FGF13: variants seen among roughly 807,000 people sequenced by gnomAD.
FGF13 encodes fibroblast growth factor homologous factor 2.
A neutral mutation model predicts 19.5 loss-of-function variants in FGF13; 2 were observed. The observed-to-expected ratio is 0.10, with a 90% CI of 0.04 to 0.32. FGF13 has a LOEUF of 0.32. FGF13 is among the 10% of genes least tolerant of loss of function. The pLI, the probability that FGF13 is intolerant of heterozygous loss-of-function variation, is 1.00. For synonymous variants in FGF13, 72 were observed against 76.9 expected, an observed-to-expected ratio of 0.94 and a Z score of 0.33; for missense variants, 113 against 192.7, an observed-to-expected ratio of 0.59 and a Z score of 2.45.
intron 1 of FGF13, among the ~76,000 whole-genome samples, chrX:139,054,894 G>A (rs191411583): frequency 0.018 from 1,502 of 85,760 alleles, 50 homozygotes; most frequent in African/African-American, 0.068. Context: ...GTTGTGTTGT[G>A]TTGTGTTGTA....
intron 1 of FGF13, among the ~76,000 whole-genome samples, chrX:138,871,719 G>C (rs907108909): frequency 9.0e-6 from 1 of 111,448 alleles, no homozygotes; most frequent in Non-Finnish European, 1.9e-5. Flanking sequence ...GTTTCCAGTA[G>C]AAGTATCAAA....
intron 1 of FGF13, among the ~76,000 whole-genome samples, chrX:138,911,853 C>T (rs1386612813): frequency 9.0e-6 from 1 of 111,666 alleles, no homozygotes; most frequent in East Asian, 2.8e-4. Flanking sequence ...CAGAATAACA[C>T]CCTGTCTCAG....
intron 1 of FGF13, among the ~76,000 whole-genome samples, chrX:138,918,912 G>A (rs759281306): frequency 2.2e-4 from 25 of 111,837 alleles, no homozygotes; most frequent in Non-Finnish European, 1.1e-4. Context: ...CAGAGTATCT[G>A]TCTGTAGAAT....
rs193197347 is a variant in FGF13 at position 138,621,818 on chromosome X, T to C, written c.*11032A>G. The C allele has an allele frequency of 1.2e-4, 13 of 111,143 alleles. No individual in the cohort carries two copies. 9.2% of individuals were successfully genotyped at this position (111,143 alleles called of 1,213,427 possible). On this transcript the variant is annotated 3_prime_UTR_variant, in exon 5 of 5. Coordinates refer to ENST00000315930, the MANE Select transcript of FGF13 (RefSeq NM_004114.5). ...GATCATTAGAGACTATTATGAACAA[T>C]TATACACAAGTTGGGTAATCTAGAA...
intron 1 of FGF13, among the ~76,000 whole-genome samples, chrX:139,110,385 C>T (rs937865540): frequency 8.2e-5 from 9 of 110,169 alleles, no homozygotes; most frequent in African/African-American, 2.6e-4. Context: ...CCGAGGGACC[C>T]GGTGGAAGAT....
intron 1 of FGF13, among the ~76,000 whole-genome samples, chrX:138,959,407 C>A (rs778572836): frequency 8.9e-6 from 1 of 111,823 alleles, no homozygotes; most frequent in African/African-American, 3.2e-5. Flanking sequence ...TATTTGTGTT[C>A]TTTTACATTT....
At chrX:138,723,655 G>GA (rs1378520629) in intron 1 of FGF13, among the ~76,000 whole-genome samples, 2 of 110,850 alleles carry the variant, frequency 1.8e-5, no homozygotes, top group East Asian at 5.7e-4. Context: ...GTCTCGAGGG[G>GA]AAAAAAAGGT....
At chrX:138,757,079 T>C (rs2090436065) in intron 3 of FGF13, among the ~76,000 whole-genome samples, 1 of 111,002 alleles carries the variant, frequency 9.0e-6, no homozygotes, top group Non-Finnish European at 1.9e-5. Context: ...AGGCAGGGGA[T>C]GGGTGCGATG....
intron 1 of FGF13, among the ~76,000 whole-genome samples, chrX:139,156,899 G>A (rs765088464): frequency 1.8e-5 from 2 of 111,681 alleles, no homozygotes; most frequent in African/African-American, 6.5e-5. Flanking sequence ...GAAGTAAAAC[G>A]CTAAGGAAAC....
At chrX:138,945,063 G>A (rs1603054149) in intron 1 of FGF13, among the ~76,000 whole-genome samples, 1 of 108,941 alleles carries the variant, frequency 9.2e-6, no homozygotes, top group African/African-American at 3.4e-5. Flanking sequence ...GTGAGGTGTC[G>A]AGCATATAAA....
At position 138,736,146 on chromosome X, in the gene FGF13, G is replaced by A. The variant is rs45609731; in HGVS notation, c.28+3096C>T. On this transcript the variant is annotated intron_variant, in intron 1 of 4. Transcript: ENST00000305414. Reference sequence around the variant, plus strand: ...GACTTACAGAACTCCTTCTACCCAGGAGGCACTCACTTCCTTTTGAATACT... The same window carrying A: ...GACTTACAGAACTCCTTCTACCCAGAAGGCACTCACTTCCTTTTGAATACT... Among the ~76,000 whole-genome samples the A allele has an allele frequency of 3.5e-3, 390 of 111,832 alleles. 1 individual carries two copies. The highest frequency in any genetic ancestry group is 7.4e-3 in the East Asian group (26 of 3,491).
At chrX:138,932,730 G>C (rs1281690748) in intron 1 of FGF13, among the ~76,000 whole-genome samples, 1 of 109,853 alleles carries the variant, frequency 9.1e-6, no homozygotes, top group Non-Finnish European at 1.9e-5. Flanking sequence ...GTGTGTGTGT[G>C]TGTGTGTGTG....
chrX:138,983,390 A>C lies in FGF13; in HGVS notation c.-112-118740T>G, dbSNP rs1383467855. Among the ~76,000 whole-genome samples the C allele has an allele frequency of 3.3e-3, 262 of 80,001 alleles. 2 individuals are homozygous for C. The highest frequency in any genetic ancestry group is 0.011 in the African/African-American group (248 of 23,118). 69.5% of individuals were successfully genotyped at this position (80,001 alleles called of 115,157 possible). On this transcript the variant is annotated intron_variant, in intron 1 of 2. Transcript: ENST00000421460. ...TCTTTCCCCATTGTGTATTCTTGGC[A>C]CCCTTATCAAAGATAAGTTGATCTT...
intron 1 of FGF13, among the ~76,000 whole-genome samples, chrX:139,168,429 T>C (rs1353980483): frequency 2.7e-5 from 3 of 111,847 alleles, no homozygotes; most frequent in Non-Finnish European, 5.6e-5. Context: ...TTTTATTACT[T>C]CCCTACCTTA....
At chrX:139,098,878 T>C (rs111506647) in intron 1 of FGF13, among the ~76,000 whole-genome samples, 11,066 of 110,812 alleles carry the variant, frequency 0.1, 426 homozygotes, top group South Asian at 0.2. Context: ...ACCCACTGAA[T>C]CTAAAATTTA....
chrX:139,033,920 C>T (rs906204643), intron 1 of FGF13, among the ~76,000 whole-genome samples: 2 of 111,554 alleles, frequency 1.8e-5, no homozygotes, highest in African/African-American at 6.5e-5. Context: ...TAATCTCTAA[C>T]ATAATATCTG....
chrX:138,643,333 GAGAACAAACAAATACAATACATCCCTTCC>G (rs1487940756), intron 3 of FGF13, among the ~76,000 whole-genome samples: 1 of 112,553 alleles, frequency 8.9e-6, no homozygotes, highest in Non-Finnish European at 1.9e-5. Context: ...GTTAAAGAAT[GAGAACAAACAAATACAATACATCCCTTCC>G]AGAGGCTAAG....
chrX:138,920,411 G>A (rs1202336305), intron 1 of FGF13, among the ~76,000 whole-genome samples: 1 of 111,101 alleles, frequency 9.0e-6, no homozygotes, highest in Non-Finnish European at 1.9e-5. Flanking sequence ...TGACTGGTAT[G>A]AATTTATGAT....
chrX:138,738,224 A>T (rs1386313609), intron 1 of FGF13, among the ~76,000 whole-genome samples: 1 of 111,879 alleles, frequency 8.9e-6, no homozygotes, highest in Non-Finnish European at 1.9e-5. Flanking sequence ...AGAGAGAAGG[A>T]TTTTGAGGAA....
Sources: gnomAD v4.1 joint callset for allele counts (sites outside exome capture counted in the v4.1 genomes callset) on GRCh38, gnomAD v4.1.1 for gene constraint, MANE v1.5 for transcripts, NCBI Gene and HGNC (gene_info 2026-07-23, HGNC 2026-07-21) for gene names.